Variants in DCDC2 observed in about 807,000 individuals in gnomAD.
DCDC2 encodes the protein doublecortin domain containing 2.
DCDC2 carries 40 observed loss-of-function variants against 50.2 expected under a neutral mutation model. The observed-to-expected ratio is 0.80, with a 90% CI of 0.62 to 1.04. The LOEUF (loss-of-function observed/expected upper bound fraction) is 1.04, where lower values mean the gene tolerates loss of function less well. Among genes scored for constraint, DCDC2 ranks in the 50% least tolerant of loss-of-function variants. The probability of loss-of-function intolerance (pLI) is 0.00; values close to 1 mark genes in which losing one functional copy is unlikely to be tolerated. For synonymous variants in DCDC2, 234 were observed against 210.6 expected, an observed-to-expected ratio of 1.11 and a Z score of -0.96; for missense variants, 570 against 581.9, an observed-to-expected ratio of 0.98 and a Z score of 0.21.
intron 8 of DCDC2, 34 bp downstream of exon 8, chr6:24,204,968 G>A (rs952995626): frequency 6.3e-7 from 1 of 1,581,816 alleles, no homozygotes; most frequent in Non-Finnish European, 8.6e-7. Context: ...CACTATAATT[G>A]TCTTACACAT....
chr6:24,199,525 C>A (rs1043083327), intron 8 of DCDC2, among the ~76,000 whole-genome samples: 6 of 152,088 alleles, frequency 3.9e-5, no homozygotes, highest in Non-Finnish European at 5.9e-5. Context: ...ACATCAAAGA[C>A]CAAAGGTAGA....
At chr6:24,278,679 G>C (rs1269613243) in intron 6 of DCDC2, among the ~76,000 whole-genome samples, 1 of 152,120 alleles carries the variant, frequency 6.6e-6, no homozygotes, top group Non-Finnish European at 1.5e-5. Context: ...TCTCACTCCT[G>C]CACCTTTCTG....
At chr6:24,290,893 G>T (rs1763727870) in intron 5 of DCDC2, 39 bp downstream of exon 5, 1 of 1,570,658 alleles carries the variant, frequency 6.4e-7, no homozygotes, top group Admixed American at 2.0e-5. Flanking sequence ...ATTTCAAGTG[G>T]TAACTAAAGC....
At chr6:24,340,751 T>C (rs570724385) in intron 2 of DCDC2, among the ~76,000 whole-genome samples, 52 of 152,294 alleles carry the variant, frequency 3.4e-4, no homozygotes, top group Admixed American at 1.0e-3. Flanking sequence ...TTTGAGACAA[T>C]GTCTCACTCT....
At chr6:24,185,031 A>G (rs781679883) in intron 8 of DCDC2, among the ~76,000 whole-genome samples, 1 of 152,168 alleles carries the variant, frequency 6.6e-6, no homozygotes, top group African/African-American at 2.4e-5. Context: ...GAAAATGTCT[A>G]TTTTCCTCTT....
chr6:24,235,670 A>G (rs1762428693), intron 7 of DCDC2, among the ~76,000 whole-genome samples: 1 of 152,236 alleles, frequency 6.6e-6, no homozygotes, highest in African/African-American at 2.4e-5. Context: ...AGCGCCATTT[A>G]TGACAAACCC....
At chr6:24,308,009 G>A (rs1453266056) in intron 2 of DCDC2, among the ~76,000 whole-genome samples, 1 of 152,152 alleles carries the variant, frequency 6.6e-6, no homozygotes, top group African/African-American at 2.4e-5. Context: ...AAAAGGCAGA[G>A]GAATAAACCT....
At chr6:24,180,113 C>T (rs750119419) in intron 8 of DCDC2, among the ~76,000 whole-genome samples, 12 of 151,950 alleles carry the variant, frequency 7.9e-5, no homozygotes, top group South Asian at 2.1e-4. Flanking sequence ...AAAATGGGAA[C>T]GTAACAAAAC....
At chr6:24,312,557 A>G (rs969760617) in intron 2 of DCDC2, among the ~76,000 whole-genome samples, 2 of 152,198 alleles carry the variant, frequency 1.3e-5, no homozygotes, top group African/African-American at 4.8e-5. Flanking sequence ...CATTCCCAGA[A>G]GGGTCCAGTT....
chr6:24,179,314 G>T (rs531828102), intron 8 of DCDC2, among the ~76,000 whole-genome samples: 1 of 151,968 alleles, frequency 6.6e-6, no homozygotes, highest in Non-Finnish European at 1.5e-5. Context: ...TTGGGAGGCC[G>T]AGGCGGGCAG....
chr6:24,367,086 T>G, the DCDC2 span, among the ~76,000 whole-genome samples: 1 of 152,200 alleles, frequency 6.6e-6, no homozygotes, highest in African/African-American at 2.4e-5. Context: ...TCCCCCCATC[T>G]TGGCCTCTCA....
At chr6:24,282,688 A>G (rs114931056) in intron 6 of DCDC2, among the ~76,000 whole-genome samples, 2,192 of 151,786 alleles carry the variant, frequency 0.014, 17 homozygotes, top group Middle Eastern at 0.044. Context: ...ATCAAATTTA[A>G]AATAATTTCG....
At chr6:24,278,345 T>C in intron 6 of DCDC2, 134 bp from the exon 7 acceptor site, 1 of 700,298 alleles carries the variant, frequency 1.4e-6, no homozygotes, top group Admixed American at 3.1e-5. Flanking sequence ...TGCAACTGTC[T>C]ATCTTTATAC....
At chr6:24,231,912 G>A (rs975822303) in intron 7 of DCDC2, among the ~76,000 whole-genome samples, 1 of 152,010 alleles carries the variant, frequency 6.6e-6, no homozygotes, top group Non-Finnish European at 1.5e-5. Context: ...CAGGCAGAGA[G>A]AAATTATTCA....
the DCDC2 span, among the ~76,000 whole-genome samples, chr6:24,369,603 C>T: frequency 6.7e-6 from 1 of 149,862 alleles, no homozygotes; most frequent in East Asian, 1.9e-4. Context: ...AGCGGGACTC[C>T]GTCTCAAAAA....
At chr6:24,336,896 CTA>C (rs1760066254) in intron 2 of DCDC2, among the ~76,000 whole-genome samples, 1 of 152,068 alleles carries the variant, frequency 6.6e-6, no homozygotes, top group South Asian at 2.1e-4. Flanking sequence ...AAACACATAC[CTA>C]TATGTTTCTA....
chr6:24,358,781 AT>A (rs1236216456), upstream of DCDC2, among the ~76,000 whole-genome samples: 3 of 78,958 alleles, frequency 3.8e-5, no homozygotes, highest in Non-Finnish European at 6.8e-5. Flanking sequence ...TTTATATATA[AT>A]ATATAAAATA....
chr6:24,260,151 C>T (rs928077105), intron 7 of DCDC2, among the ~76,000 whole-genome samples: 3 of 152,200 alleles, frequency 2.0e-5, no homozygotes, highest in Non-Finnish European at 1.5e-5. Context: ...TTTTCATCAT[C>T]TTCCAAGAAA....
intron 7 of DCDC2, among the ~76,000 whole-genome samples, chr6:24,213,970 A>AT (rs1247269707): frequency 6.6e-6 from 1 of 152,152 alleles, no homozygotes; most frequent in Admixed American, 6.5e-5. Context: ...AAATGTCCAA[A>AT]TTTTTTTAAT....
Sources: gnomAD v4.1 joint callset for allele counts (sites outside exome capture counted in the v4.1 genomes callset) on GRCh38, gnomAD v4.1.1 for gene constraint, MANE v1.5 for transcripts, NCBI Gene and HGNC (gene_info 2026-07-23, HGNC 2026-07-21) for gene names.